IQCK: variants seen among roughly 807,000 people sequenced by gnomAD.
IQCK encodes the protein IQ domain-containing protein K.
In IQCK, 29 loss-of-function variants were observed where a neutral mutation model predicts 28.1. The observed-to-expected ratio is 1.03, with a 90% CI of 0.77 to 1.41. The LOEUF (loss-of-function observed/expected upper bound fraction) is 1.41, where lower values mean the gene tolerates loss of function less well. Ranked by LOEUF, IQCK falls within the 40% of genes most tolerant of loss-of-function variation. The pLI, the probability that IQCK is intolerant of heterozygous loss-of-function variation, is 0.00. For missense variants in IQCK, 359 were observed against 314.7 expected, an observed-to-expected ratio of 1.14 and a Z score of -1.07; for synonymous variants, 113 against 115.1, an observed-to-expected ratio of 0.98 and a Z score of 0.12.
At chr16:19,856,974 C>T (rs922990354) in exon 10 of IQCK, 1 of 168,432 alleles carries the variant, frequency 5.9e-6, no homozygotes, top group African/African-American at 2.4e-5. Context: ...TACCTAGTGA[C>T]TGACTACTCT....
chr16:19,812,708 A>G (rs532200342), intron 7 of IQCK, among the ~76,000 whole-genome samples: 2 of 152,238 alleles, frequency 1.3e-5, no homozygotes, highest in Admixed American at 6.5e-5. Flanking sequence ...GTCAGTAGAT[A>G]CAATCAACTG....
chr16:19,776,633 C>T (rs889787616), intron 6 of IQCK, among the ~76,000 whole-genome samples: 7 of 152,290 alleles, frequency 4.6e-5, no homozygotes, highest in Middle Eastern at 3.4e-3. Context: ...TGCCGGAACC[C>T]GAGAAGCAGA....
intron 7 of IQCK, among the ~76,000 whole-genome samples, chr16:19,811,354 A>G (rs2055903197): frequency 6.6e-6 from 1 of 152,224 alleles, no homozygotes; most frequent in Admixed American, 6.5e-5. Flanking sequence ...ATCATTGGAA[A>G]GTTTATCAAA....
intron 1 of IQCK, among the ~76,000 whole-genome samples, chr16:19,719,396 A>G (rs1977400366): frequency 2.6e-5 from 4 of 151,970 alleles, no homozygotes; most frequent in Non-Finnish European, 1.5e-5. Context: ...AGCTGCCTGA[A>G]ACAGCGCGGT....
intron 9 of IQCK, among the ~76,000 whole-genome samples, chr16:19,852,407 T>TAACAAACA (rs71146277): frequency 1.3e-5 from 2 of 151,424 alleles, no homozygotes; most frequent in African/African-American, 4.9e-5. Flanking sequence ...CTACAACATT[T>TAACAAACA]AACAAACAAA....
intron 6 of IQCK, among the ~76,000 whole-genome samples, chr16:19,778,658 A>G (rs1208600463): frequency 1.3e-5 from 2 of 151,798 alleles, no homozygotes; most frequent in Admixed American, 6.6e-5. Context: ...CCCTATCTCA[A>G]AAAAAAATAA....
chr16:19,858,435 T>C lies in IQCK; in HGVS notation c.*1887T>C, dbSNP rs185749161. ...AGCCATTTGTGCTGTGCTCACCTTA[T>C]ATGCTTGGACAATAAAGAACTTAGA... On this transcript the variant is annotated 3_prime_UTR_variant, in exon 10 of 10. Transcript: ENST00000320394. The C allele has an allele frequency of 1.4e-3, 887 of 646,428 alleles. 7 individuals are homozygous for C. Among genetic ancestry groups the C allele is most frequent in the African/African-American group, 0.01 (570 of 55,488 alleles). 40.0% of individuals were successfully genotyped at this position (646,428 alleles called of 1,614,324 possible).
rs150761128 is a variant in IQCK, at chr16:19,738,471, C to T, written c.474+3021C>T. On this transcript the variant is annotated intron_variant, in intron 4 of 7. Coordinates refer to ENST00000564186, the Ensembl canonical transcript of IQCK. ...GTAAATTGGGCCTTGATTTATAGCGCAGCAGTTAAGAGCAACACTTGAGTC... is the reference window on the plus strand; with the variant it reads ...GTAAATTGGGCCTTGATTTATAGCGTAGCAGTTAAGAGCAACACTTGAGTC... Among the ~76,000 whole-genome samples, 612 of 152,262 alleles carry T rather than the reference C, an allele frequency of 4.0e-3. 3 individuals are homozygous for T. Among genetic ancestry groups the T allele is most frequent in the African/African-American group, 0.014 (563 of 41,544 alleles).
chr16:19,836,126 T>A (rs2056293480), intron 9 of IQCK, among the ~76,000 whole-genome samples: 1 of 152,260 alleles, frequency 6.6e-6, no homozygotes, highest in East Asian at 1.9e-4. Flanking sequence ...ATGAGGTCAT[T>A]GTTTTGATAG....
At chr16:19,852,032 G>C (rs546257639) in intron 9 of IQCK, among the ~76,000 whole-genome samples, 1 of 152,196 alleles carries the variant, frequency 6.6e-6, no homozygotes, top group African/African-American at 2.4e-5. Context: ...TGCTCCTCGG[G>C]GTGTTACTTC....
rs75893372 is a variant in IQCK at position 19,729,403 on chromosome 16, G to A, written c.182-1027G>A. 1.1e-3 allele frequency among the ~76,000 whole-genome samples: 169 copies of A among 151,908 alleles called. 3 individuals carry two copies. The East Asian group carries it at 0.03, about 27-fold the overall frequency. On this transcript the variant is annotated intron_variant, in intron 1 of 7. Coordinates refer to ENST00000564186, the Ensembl canonical transcript of IQCK. The stretch of plus-strand genomic sequence containing the variant: ...TTATAGGCGTGAGCCACCGCTCCCA[G>A]CTGTGGACTGTTCTTTGTGTTAGCC...
At chr16:19,784,479 C>T (rs374076781) in intron 6 of IQCK, among the ~76,000 whole-genome samples, 2 of 152,132 alleles carry the variant, frequency 1.3e-5, no homozygotes, top group Admixed American at 6.6e-5. Context: ...AACAAAATCA[C>T]GTGTAGAAAA....
At chr16:19,822,083 A>AG (rs2056080558) in intron 7 of IQCK, among the ~76,000 whole-genome samples, 1 of 134,874 alleles carries the variant, frequency 7.4e-6, no homozygotes, top group Non-Finnish European at 1.5e-5. Context: ...AAAAAAAAAA[A>AG]CAAAAAAAAA....
At chr16:19,828,564 A>G (rs1283891952), downstream of IQCK, among the ~76,000 whole-genome samples, 1 of 151,974 alleles carries the variant, frequency 6.6e-6, no homozygotes, top group African/African-American at 2.4e-5. Context: ...GGGGAAAATT[A>G]AATTGCAGAA....
exon 10 of IQCK, chr16:19,858,215 C>T (rs1171703658): frequency 5.9e-6 from 2 of 340,074 alleles, no homozygotes; most frequent in Non-Finnish European, 1.1e-5. Flanking sequence ...TCTCCCTTCT[C>T]CTCTCACTCC....
intron 9 of IQCK, among the ~76,000 whole-genome samples, chr16:19,846,323 G>C (rs1428728890): frequency 1.3e-5 from 2 of 152,106 alleles, no homozygotes; most frequent in East Asian, 1.9e-4. Flanking sequence ...TGCTTGGATG[G>C]CTCCATTGCT....
intron 7 of IQCK, among the ~76,000 whole-genome samples, chr16:19,817,715 C>T (rs1339071999): frequency 1.3e-5 from 2 of 151,990 alleles, no homozygotes; most frequent in Admixed American, 6.6e-5. Context: ...TTTTATTTGC[C>T]CCTCAGAACC....
chr16:19,720,900 T>C (rs764207411), intron 1 of IQCK, among the ~76,000 whole-genome samples: 1 of 151,970 alleles, frequency 6.6e-6, no homozygotes, highest in Non-Finnish European at 1.5e-5. Context: ...TAATCCCAGC[T>C]ACTCAGGAGA....
intron 7 of IQCK, among the ~76,000 whole-genome samples, chr16:19,808,691 G>C (rs1469263393): frequency 6.6e-6 from 1 of 152,206 alleles, no homozygotes; most frequent in African/African-American, 2.4e-5. Flanking sequence ...CTTGTTCAAA[G>C]TGATTAAGAA....
Sources: allele counts gnomAD v4.1 joint callset (sites outside exome capture counted in the v4.1 genomes callset), GRCh38; gene constraint gnomAD v4.1.1; transcripts MANE v1.5; gene names NCBI Gene and HGNC (gene_info 2026-07-23, HGNC 2026-07-21).